The following TNFRSF10A variants were observed in gnomAD, a reference collection of about 807,000 sequenced individuals.
The protein encoded by TNFRSF10A is TNF receptor superfamily member 10a.
In TNFRSF10A, 44 loss-of-function variants were observed where a neutral mutation model predicts 42.8. The ratio of observed to expected loss-of-function variants is 1.03; its 90% CI spans 0.81 to 1.32. TNFRSF10A has a LOEUF of 1.32. Among genes scored for constraint, TNFRSF10A ranks in the 40% most tolerant of loss-of-function variants. The pLI is 0.00. For synonymous variants in TNFRSF10A, 259 were observed against 234.2 expected, an observed-to-expected ratio of 1.11 and a Z score of -0.97; for missense variants, 680 against 602.0, an observed-to-expected ratio of 1.13 and a Z score of -1.36.
intron 4 of TNFRSF10A, among the ~76,000 whole-genome samples, chr8:23,201,033 G>C (rs1171877424): frequency 6.6e-6 from 1 of 152,122 alleles, no homozygotes; most frequent in Non-Finnish European, 1.5e-5. Flanking sequence ...TCTTCCCTGG[G>C]CTGCAGGGGA....
chr8:23,211,042 G>A (rs918560015), intron 2 of TNFRSF10A, among the ~76,000 whole-genome samples: 1 of 152,144 alleles, frequency 6.6e-6, no homozygotes, highest in Admixed American at 6.5e-5. Flanking sequence ...TATGGTACTG[G>A]AGGCTCTAGC....
chr8:23,221,039 C>T (rs1563387658), intron 1 of TNFRSF10A, among the ~76,000 whole-genome samples: 2 of 152,216 alleles, frequency 1.3e-5, no homozygotes, highest in South Asian at 4.1e-4. Flanking sequence ...TGTTCCTCCA[C>T]GGCCCCTCCC....
In TNFRSF10A at chr8:23,220,341, T is replaced by C. The variant is rs1801240490; in HGVS notation, c.306+4415A>G. Among the ~76,000 whole-genome samples, 3 of 152,340 alleles carry C rather than the reference T, an allele frequency of 2.0e-5. No homozygotes were observed. The South Asian group carries it at 6.2e-4, about 32-fold the overall frequency. ...TCTGGCTGGGCTGGCCCAATCTCTA[T>C]GCCAGGTCCTTCCACCTCACCTCTC... On this transcript the variant is annotated intron_variant, in intron 1 of 9. Transcript: ENST00000221132.
At chr8:23,193,903 A>G (rs1161252384) in intron 9 of TNFRSF10A, among the ~76,000 whole-genome samples, 27 of 152,196 alleles carry the variant, frequency 1.8e-4, no homozygotes, top group Admixed American at 1.8e-3. Context: ...ATGAGAAAGT[A>G]GGATGGAGTT....
At chr8:23,224,386 C>T in intron 1 of TNFRSF10A, 1 of 214,634 alleles carries the variant, frequency 4.7e-6, no homozygotes, top group South Asian at 8.4e-5. Flanking sequence ...TGGCGCTCCC[C>T]TTCACGCAGC....
intron 1 of TNFRSF10A, among the ~76,000 whole-genome samples, chr8:23,214,052 A>T (rs889432412): frequency 1.1e-4 from 16 of 150,266 alleles, no homozygotes; most frequent in African/African-American, 3.7e-4. Context: ...TTCTTTTTTG[A>T]GGGGGGTGGG....
chr8:23,207,825 C>T (rs1049089731), intron 2 of TNFRSF10A, among the ~76,000 whole-genome samples: 19 of 150,828 alleles, frequency 1.3e-4, no homozygotes, highest in Admixed American at 8.0e-4. Context: ...TCCCCAGCCA[C>T]GTAGAACTGT....
chr8:23,193,916 T>G (rs1192094150), intron 9 of TNFRSF10A, among the ~76,000 whole-genome samples: 3 of 152,248 alleles, frequency 2.0e-5, no homozygotes, highest in Non-Finnish European at 2.9e-5. Context: ...ATGGAGTTCC[T>G]GTATCCAGGC....
At chr8:23,200,068 G>T (rs972883379) in intron 6 of TNFRSF10A, 151 bp from the exon 7 acceptor site, 1 of 890,914 alleles carries the variant, frequency 1.1e-6, no homozygotes, top group Non-Finnish European at 1.7e-6. Flanking sequence ...CTGCTAACTC[G>T]GGAGATCCTT....
At chr8:23,204,513 C>G (rs1800978476) in intron 2 of TNFRSF10A, among the ~76,000 whole-genome samples, 1 of 152,234 alleles carries the variant, frequency 6.6e-6, no homozygotes, top group Non-Finnish European at 1.5e-5. Flanking sequence ...AGAACATCAA[C>G]AAGAAAGTAG....
chr8:23,224,561 T>A (rs1275471023), intron 1 of TNFRSF10A, 195 bp downstream of exon 1: 2 of 679,788 alleles, frequency 2.9e-6, no homozygotes, highest in African/African-American at 1.9e-5. Context: ...CTCTGCTGCC[T>A]CCAGGCCCGG....
chr8:23,223,127 G>A (rs879579070), intron 1 of TNFRSF10A, among the ~76,000 whole-genome samples: 2 of 152,112 alleles, frequency 1.3e-5, no homozygotes, highest in African/African-American at 4.8e-5. Flanking sequence ...GTGCAGTGGC[G>A]TGGTCTCGGC....
At chr8:23,221,268 C>T (rs190167644) in intron 1 of TNFRSF10A, among the ~76,000 whole-genome samples, 140 of 152,280 alleles carry the variant, frequency 9.2e-4, no homozygotes, top group Middle Eastern at 3.4e-3. Context: ...TACACAGGGC[C>T]GCTGCAGACT....
chr8:23,191,594 C>A lies in TNFRSF10A; in HGVS notation c.*100G>T. The A allele has an allele frequency of 2.1e-6, 3 of 1,427,134 alleles. No individual in the cohort carries two copies. The South Asian group carries it at 4.5e-5, about 22-fold the overall frequency. The allele number at this position is 1,427,134 out of a possible 1,614,324, so 88.4% of individuals were successfully genotyped here. On this transcript the variant is annotated 3_prime_UTR_variant, in exon 10 of 10. Transcript: ENST00000221132. ...GGATTACAGGCATGAGCCACTACAC[C>A]TGGCTAAGAATTTACTTTGTATACA...
At position 23,191,563 on chromosome 8, in the gene TNFRSF10A, G is replaced by A. The variant is rs929760608; in HGVS notation, c.*131C>T. 4.1e-5 allele frequency: 55 copies of A among 1,336,288 alleles called. No homozygotes were observed. The highest frequency in any genetic ancestry group is 5.2e-5 in the Non-Finnish European group (53 of 1,011,956). 82.8% of individuals were successfully genotyped at this position (1,336,288 alleles called of 1,614,324 possible). Reference sequence around the variant, plus strand: ...GATCCACCCGCCTCAGCCTCCCAAAGTGCTGGGATTACAGGCATGAGCCAC... The same window carrying A: ...GATCCACCCGCCTCAGCCTCCCAAAATGCTGGGATTACAGGCATGAGCCAC... On this transcript the variant is annotated 3_prime_UTR_variant, in exon 10 of 10. Coordinates refer to ENST00000221132, the MANE Select transcript of TNFRSF10A (RefSeq NM_003844.4).
intron 2 of TNFRSF10A, among the ~76,000 whole-genome samples, chr8:23,203,589 A>G (rs1447479828): frequency 6.6e-6 from 1 of 152,146 alleles, no homozygotes; most frequent in African/African-American, 2.4e-5. Context: ...CTCCCCTTTC[A>G]GTGCCCATTT....
chr8:23,221,097 G>A (rs1801249818), intron 1 of TNFRSF10A, among the ~76,000 whole-genome samples: 1 of 152,172 alleles, frequency 6.6e-6, no homozygotes, highest in African/African-American at 2.4e-5. Context: ...CAAGCTCAGA[G>A]AGCCAGTATG....
At chr8:23,197,282 C>T in intron 8 of TNFRSF10A, 78 bp from the exon 9 acceptor site, 1 of 1,546,014 alleles carries the variant, frequency 6.5e-7, no homozygotes, top group South Asian at 1.1e-5. Context: ...CATCAGCCAG[C>T]CCGGAAACCT....
intron 2 of TNFRSF10A, among the ~76,000 whole-genome samples, chr8:23,205,284 A>G (rs1373220529): frequency 2.0e-5 from 3 of 152,124 alleles, no homozygotes; most frequent in African/African-American, 4.8e-5. Flanking sequence ...GTCCCATAAT[A>G]TTATAATGGA....
Sources: gnomAD v4.1 joint callset for allele counts (sites outside exome capture counted in the v4.1 genomes callset) on GRCh38, gnomAD v4.1.1 for gene constraint, MANE v1.5 for transcripts, NCBI Gene and HGNC (gene_info 2026-07-23, HGNC 2026-07-21) for gene names.